The following TTC27 variants were observed in gnomAD, a reference collection of about 807,000 sequenced individuals.
The protein encoded by TTC27 is tetratricopeptide repeat domain 27.
A neutral mutation model predicts 115.9 loss-of-function variants in TTC27; 79 were observed. The ratio of observed to expected loss-of-function variants is 0.68; its 90% CI spans 0.57 to 0.82. The LOEUF (loss-of-function observed/expected upper bound fraction) is 0.82, where lower values mean the gene tolerates loss of function less well. TTC27 is among the 40% of genes least tolerant of loss of function. TTC27 has a pLI of 0.00. For missense variants in TTC27, 1,054 were observed against 993.1 expected (o/e 1.06, Z -0.82); for synonymous variants, 401 against 356.0 (o/e 1.13, Z -1.42).
At chr2:32,809,668 T>C (rs941848449) in intron 16 of TTC27, among the ~76,000 whole-genome samples, 18 of 152,188 alleles carry the variant, frequency 1.2e-4, no homozygotes, top group African/African-American at 4.3e-4. Flanking sequence ...AAGATTGCGG[T>C]TGTGTTTTCT....
chr2:32,715,710 A>T (rs1185583389), intron 10 of TTC27, among the ~76,000 whole-genome samples: 3 of 152,152 alleles, frequency 2.0e-5, no homozygotes, highest in Non-Finnish European at 4.4e-5. Flanking sequence ...TATGGCACTC[A>T]TGACCTATCT....
chr2:32,769,460 T>G (rs1193346259), intron 13 of TTC27, among the ~76,000 whole-genome samples: 5 of 152,152 alleles, frequency 3.3e-5, no homozygotes, highest in African/African-American at 1.2e-4. Flanking sequence ...GTCAGAGAGA[T>G]GAGAGACAAA....
rs1035044564 is a variant in TTC27 at position 32,767,461 on chromosome 2, T to TG, written c.1680+8942_1680+8943insG. Among the ~76,000 whole-genome samples the TG allele has an allele frequency of 1.1e-4, 15 of 140,464 alleles. 1 individual carries two copies. The East Asian group carries it at 2.0e-3, about 19-fold the overall frequency. 92.1% of individuals were successfully genotyped at this position (140,464 alleles called of 152,430 possible). ...TTTATAAGTTTTTTTTTGTTTTTTT[T>TG]TTTTTTTTTGAGACAGAGTCTCGCT... On this transcript the variant is annotated intron_variant, in intron 13 of 19. Coordinates refer to ENST00000317907, the MANE Select transcript of TTC27 (RefSeq NM_017735.5).
At chr2:32,775,988 C>G (rs1669984736) in intron 13 of TTC27, among the ~76,000 whole-genome samples, 1 of 152,134 alleles carries the variant, frequency 6.6e-6, no homozygotes, top group South Asian at 2.1e-4. Flanking sequence ...TATTAAAAAA[C>G]AGATGAAAGC....
At chr2:32,775,663 A>T (rs1000096985) in intron 13 of TTC27, among the ~76,000 whole-genome samples, 1 of 152,162 alleles carries the variant, frequency 6.6e-6, no homozygotes, top group Non-Finnish European at 1.5e-5. Flanking sequence ...TGGTATCATA[A>T]TTCTTTGTAT....
chr2:32,820,977 T>C lies in TTC27; in HGVS notation c.*39T>C. On this transcript the variant is annotated 3_prime_UTR_variant, in exon 20 of 20. Transcript: ENST00000317907. ...AGATTCTGGAAAAGGTGCTTTCACC[T>C]GCTGGTAAAAGATACATCTGTATAT... 2.1e-6 allele frequency: 3 copies of C among 1,443,166 alleles called. No homozygotes were observed. Among genetic ancestry groups the C allele is most frequent in the Non-Finnish European group, 1.8e-6 (2 of 1,084,178 alleles). The allele number at this position is 1,443,166 out of a possible 1,614,324, so 89.4% of individuals were successfully genotyped here. A position where few individuals can be genotyped will look rare whatever the true frequency, so the allele number is the denominator to read the frequency against.
intron 9 of TTC27, among the ~76,000 whole-genome samples, chr2:32,700,557 G>T (rs1163696907): frequency 3.3e-5 from 5 of 151,504 alleles, no homozygotes; most frequent in Non-Finnish European, 4.4e-5. Context: ...TTTTTTTTTT[G>T]ACATAGTTTT....
chr2:32,719,745 T>C (rs775598656), intron 10 of TTC27, among the ~76,000 whole-genome samples: 1 of 152,144 alleles, frequency 6.6e-6, no homozygotes, highest in Non-Finnish European at 1.5e-5. Context: ...AGATCTGGGT[T>C]TCCCAGTACC....
Position 32,723,728 on chromosome 2 carries a change from C to CTCCGTCCGTCCTTCCTTCCT in TTC27, c.1234-10097_1234-10096insGTCCGTCCTTCCTTCCTTCC, listed in dbSNP as rs1454826952. 1.4e-4 allele frequency among the ~76,000 whole-genome samples: 4 copies of CTCCGTCCGTCCTTCCTTCCT among 29,514 alleles called. 1 individual carries two copies. The highest frequency in any genetic ancestry group is 2.4e-4 in the Non-Finnish European group (4 of 16,484). 19.4% of individuals were successfully genotyped at this position (29,514 alleles called of 152,430 possible). ...CCTCCCTCCCTCCCTCCCTCCCTCC[C>CTCCGTCCGTCCTTCCTTCCT]TCCTTCCTTCCTTCCTTCCTTCCTT... On this transcript the variant is annotated intron_variant, in intron 10 of 19. Transcript: ENST00000317907.
chr2:32,678,385 T>C (rs1421490480), intron 8 of TTC27, among the ~76,000 whole-genome samples: 2 of 152,084 alleles, frequency 1.3e-5, no homozygotes, highest in African/African-American at 4.8e-5. Flanking sequence ...CATTTGTATA[T>C]AATGCCATAG....
chr2:32,692,322 A>G (rs1166223914), intron 9 of TTC27, among the ~76,000 whole-genome samples: 1 of 152,140 alleles, frequency 6.6e-6, no homozygotes, highest in Non-Finnish European at 1.5e-5. Context: ...GGTTAAAAAT[A>G]AGACAGCATT....
At chr2:32,670,760 G>A (rs1480699471) in intron 7 of TTC27, among the ~76,000 whole-genome samples, 1 of 152,122 alleles carries the variant, frequency 6.6e-6, no homozygotes, top group Non-Finnish European at 1.5e-5. Context: ...TGGGAGTACA[G>A]GTATACGCCA....
intron 8 of TTC27, among the ~76,000 whole-genome samples, chr2:32,673,959 G>A (rs1199371454): frequency 6.6e-6 from 1 of 151,946 alleles, no homozygotes; most frequent in Non-Finnish European, 1.5e-5. Context: ...CACTCCACCT[G>A]GGTGACAGAG....
At chr2:32,748,176 T>C (rs1668892423) in intron 12 of TTC27, among the ~76,000 whole-genome samples, 1 of 152,200 alleles carries the variant, frequency 6.6e-6, no homozygotes, top group Non-Finnish European at 1.5e-5. Context: ...AATCTCAAAG[T>C]GTTTTTAATT....
At chr2:32,674,421 G>A (rs77579348) in intron 8 of TTC27, among the ~76,000 whole-genome samples, 9,432 of 152,162 alleles carry the variant, frequency 0.062, 328 homozygotes, top group East Asian at 0.11. Context: ...AAAGTGCTGG[G>A]ATTATGAGGG....
At chr2:32,694,022 G>A (rs914951127) in intron 9 of TTC27, among the ~76,000 whole-genome samples, 16 of 152,156 alleles carry the variant, frequency 1.1e-4, no homozygotes, top group Non-Finnish European at 1.9e-4. Flanking sequence ...TAGAACCACC[G>A]TTGTAGAGGC....
In TTC27 at chr2:32,777,909, GC is replaced by G; in HGVS notation, c.1710del (p.Tyr571IlefsTer18). The G allele has an allele frequency of 6.2e-7, 1 of 1,614,050 alleles. No individual in the cohort carries two copies. The highest frequency in any genetic ancestry group is 8.5e-7 in the Non-Finnish European group (1 of 1,179,994). On this transcript the variant is annotated frameshift_variant, in exon 14 of 20. Transcript: ENST00000317907. LOFTEE classifies it high-confidence loss of function. ...QLGVWFSLGCAYLALEDYQGS... is the reference protein window; with the variant it reads ...QLGVWFSLGCXYLALEDYQGS... ...CGGGGTGTGGTTTTCTCTCGGTTGTGCCTATTTGGCCTTGGAAGACTATCAA... is the reference window on the plus strand; with the variant it reads ...CGGGGTGTGGTTTTCTCTCGGTTGTGCTATTTGGCCTTGGAAGACTATCAA...
chr2:32,631,090 G>A (rs942778466), intron 2 of TTC27, among the ~76,000 whole-genome samples: 1 of 152,116 alleles, frequency 6.6e-6, no homozygotes, highest in Admixed American at 6.5e-5. Context: ...GATCACATGA[G>A]GTCAGGAGTT....
intron 5 of TTC27, among the ~76,000 whole-genome samples, chr2:32,652,859 G>A (rs530068409): frequency 4.0e-5 from 6 of 151,170 alleles, no homozygotes; most frequent in Admixed American, 1.3e-4. Context: ...TTTTTTTTTC[G>A]TTCTATGAAA....
Sources: gnomAD v4.1 joint callset for allele counts (sites outside exome capture counted in the v4.1 genomes callset) on GRCh38, gnomAD v4.1.1 for gene constraint, MANE v1.5 for transcripts, NCBI Gene and HGNC (gene_info 2026-07-23, HGNC 2026-07-21) for gene names.